Variants in BNC2 observed in about 807,000 individuals in gnomAD.
BNC2 encodes basonuclin zinc finger protein 2.
BNC2 carries 20 observed loss-of-function variants against 76.3 expected under a neutral mutation model. That is an observed-to-expected ratio of 0.26 (90% CI 0.18 to 0.38). The LOEUF is 0.38. Ranked by LOEUF, BNC2 falls within the 10% of genes least tolerant of loss-of-function variation. The pLI, the probability that BNC2 is intolerant of heterozygous loss-of-function variation, is 1.00. For synonymous variants in BNC2, 582 were observed against 514.8 expected (o/e 1.13, Z -1.77); for missense variants, 1,382 against 1,399.8 (o/e 0.99, Z 0.20).
intron 3 of BNC2, among the ~76,000 whole-genome samples, chr9:16,607,222 G>A (rs1395990925): frequency 1.3e-5 from 2 of 152,192 alleles, no homozygotes; most frequent in Non-Finnish European, 2.9e-5. Flanking sequence ...CCCAAAGTGC[G>A]TGAGCCACAG....
intron 5 of BNC2, among the ~76,000 whole-genome samples, chr9:16,484,330 C>T (rs1006415914): frequency 2.6e-5 from 4 of 152,144 alleles, no homozygotes; most frequent in Admixed American, 2.0e-4. Context: ...AGAGAGTGCT[C>T]GAGGCGAAGA....
At chr9:16,820,553 C>G (rs924123542) in intron 1 of BNC2, among the ~76,000 whole-genome samples, 2 of 152,132 alleles carry the variant, frequency 1.3e-5, no homozygotes, top group Non-Finnish European at 2.9e-5. Flanking sequence ...GCTTAAATAA[C>G]TATGCCTTTC....
At position 16,661,456 on chromosome 9, in the gene BNC2, T is replaced by C. The variant is rs1220731029; in HGVS notation, c.330+66341A>G. Among the ~76,000 whole-genome samples, 3 of 150,532 alleles carry C rather than the reference T, an allele frequency of 2.0e-5. No homozygotes were observed. The East Asian group carries it at 6.5e-4, about 33-fold the overall frequency. On this transcript the variant is annotated intron_variant, in intron 3 of 6. Transcript: ENST00000380672. ...GTATACTATATAGCTGTATGTTAGT[T>C]CCCCAGAGATGAAAACAAAGCTAAG...
chr9:16,680,075 G>A (rs764486281), intron 3 of BNC2, among the ~76,000 whole-genome samples: 28 of 152,176 alleles, frequency 1.8e-4, no homozygotes, highest in Non-Finnish European at 3.5e-4. Flanking sequence ...TGAAATCACT[G>A]TCCTCATGTT....
intron 5 of BNC2, among the ~76,000 whole-genome samples, chr9:16,499,151 C>T (rs1178576336): frequency 6.6e-6 from 1 of 152,166 alleles, no homozygotes; most frequent in Non-Finnish European, 1.5e-5. Flanking sequence ...TGTTGGGCAT[C>T]ATGCCAAGGA....
chr9:16,784,156 C>T (rs554762994), intron 1 of BNC2, among the ~76,000 whole-genome samples: 10 of 152,300 alleles, frequency 6.6e-5, no homozygotes, highest in African/African-American at 2.4e-4. Context: ...TCCTGCCACA[C>T]TGCTGTAGCA....
intron 1 of BNC2, among the ~76,000 whole-genome samples, chr9:16,843,789 G>C (rs1233987067): frequency 1.3e-5 from 2 of 152,190 alleles, no homozygotes; most frequent in African/African-American, 2.4e-5. Flanking sequence ...TCATCAAACA[G>C]TTACTCCCAA....
intron 4 of BNC2, chr9:16,580,071 G>A: frequency 2.5e-6 from 1 of 398,466 alleles, no homozygotes; most frequent in South Asian, 1.3e-4. Flanking sequence ...CCAGGACACT[G>A]CACAGTATAA....
intron 1 of BNC2, among the ~76,000 whole-genome samples, chr9:16,857,480 TAAAAAAAAA>T (rs60082380): frequency 2.6e-5 from 2 of 75,690 alleles, no homozygotes; most frequent in African/African-American, 9.8e-5. Context: ...CTGTCTCAAA[TAAAAAAAAA>T]AAAAAAAAAA....
At chr9:16,640,306 C>T in intron 3 of BNC2, among the ~76,000 whole-genome samples, 1 of 152,178 alleles carries the variant, frequency 6.6e-6, no homozygotes, top group East Asian at 1.9e-4. Context: ...CTCTAAGCTA[C>T]AACCATCATT....
intron 1 of BNC2, among the ~76,000 whole-genome samples, chr9:16,802,911 C>G (rs1817817635): frequency 6.6e-6 from 1 of 152,200 alleles, no homozygotes. Context: ...CTTTGTACTA[C>G]TTGGCAAACT....
chr9:16,498,732 G>C (rs1482946462), intron 5 of BNC2, among the ~76,000 whole-genome samples: 1 of 151,502 alleles, frequency 6.6e-6, no homozygotes, highest in Non-Finnish European at 1.5e-5. Flanking sequence ...GTTTTCTTCT[G>C]TCTCCTACCT....
intron 3 of BNC2, among the ~76,000 whole-genome samples, chr9:16,681,952 A>T (rs1043031003): frequency 3.3e-5 from 5 of 151,936 alleles, no homozygotes; most frequent in African/African-American, 4.8e-5. Flanking sequence ...GTGACCAAGG[A>T]TGTAAGGCTA....
rs2118965524 is a variant in BNC2, at chr9:16,415,621, G to A, written c.*3368C>T. The A allele has an allele frequency of 6.6e-6, 1 of 152,272 alleles. No individual in the cohort carries two copies. The highest frequency in any genetic ancestry group is 2.1e-4 in the South Asian group (1 of 4,822). 9.4% of individuals were successfully genotyped at this position (152,272 alleles called of 1,614,324 possible). The stretch of plus-strand genomic sequence containing the variant: ...AAACGCTGATCTCTTTATCCTTCCT[G>A]TTTGCAAATAAGCCATGGGATCACC... On this transcript the variant is annotated 3_prime_UTR_variant, in exon 7 of 7. Coordinates refer to ENST00000380672, the MANE Select transcript of BNC2 (RefSeq NM_017637.6).
chr9:16,500,652 T>C (rs1380726949), intron 5 of BNC2, among the ~76,000 whole-genome samples: 1 of 152,172 alleles, frequency 6.6e-6, no homozygotes, highest in Non-Finnish European at 1.5e-5. Context: ...GGCCAAAGAA[T>C]TTAGTTTTTC....
At chr9:16,846,658 G>A (rs1032682065) in intron 1 of BNC2, among the ~76,000 whole-genome samples, 5 of 152,072 alleles carry the variant, frequency 3.3e-5, no homozygotes, top group South Asian at 4.2e-4. Context: ...AACAGTTTGC[G>A]GCCCCAGTCA....
intron 3 of BNC2, chr9:16,727,564 T>G: frequency 1.9e-6 from 1 of 539,500 alleles, no homozygotes; most frequent in Admixed American, 3.4e-5. Context: ...ATGTCTCTGC[T>G]TTCTTTTACT....
intron 1 of BNC2, among the ~76,000 whole-genome samples, chr9:16,801,196 G>C (rs1817770384): frequency 6.6e-6 from 1 of 151,934 alleles, no homozygotes; most frequent in Admixed American, 6.6e-5. Context: ...ATCTCCCAAA[G>C]ACTTTAGCAA....
intron 4 of BNC2, among the ~76,000 whole-genome samples, chr9:16,571,452 A>G (rs546552585): frequency 1.2e-4 from 19 of 152,300 alleles, no homozygotes; most frequent in Admixed American, 2.6e-4. Context: ...TTCCAAGTAG[A>G]AAATGTTAGA....
Sources: gnomAD v4.1 joint callset for allele counts (sites outside exome capture counted in the v4.1 genomes callset) on GRCh38, gnomAD v4.1.1 for gene constraint, MANE v1.5 for transcripts, NCBI Gene and HGNC (gene_info 2026-07-23, HGNC 2026-07-21) for gene names.